The following TTBK2 variants were observed in gnomAD, a reference collection of about 807,000 sequenced individuals.
TTBK2 encodes tau tubulin kinase 2.
In TTBK2, 28 loss-of-function variants were observed where a neutral mutation model predicts 110.8. The ratio of observed to expected loss-of-function variants is 0.25; its 90% CI spans 0.19 to 0.35. The LOEUF (loss-of-function observed/expected upper bound fraction) is 0.35, where lower values mean the gene tolerates loss of function less well. Ranked by LOEUF, TTBK2 falls within the 10% of genes least tolerant of loss-of-function variation. The probability of loss-of-function intolerance (pLI) is 1.00; values close to 1 mark genes in which losing one functional copy is unlikely to be tolerated. For missense variants in TTBK2, 1,369 were observed against 1,500.3 expected, an observed-to-expected ratio of 0.91 and a Z score of 1.45; for synonymous variants, 532 against 527.3, an observed-to-expected ratio of 1.01 and a Z score of -0.12.
At chr15:42,781,897 C>A (rs1890195411) in intron 11 of TTBK2, among the ~76,000 whole-genome samples, 1 of 152,194 alleles carries the variant, frequency 6.6e-6, no homozygotes, top group African/African-American at 2.4e-5. Context: ...GTTCTTAGGG[C>A]AGATGGTGGA....
Position 42,829,938 on chromosome 15 carries a change from C to T in TTBK2, c.432G>A (p.Pro144=), listed in dbSNP as rs1370349632. The change falls in exon 5 of 15, where the codon CCG becomes CCA. Residue 144 remains proline, a splice_region_variant and synonymous_variant. Coordinates refer to ENST00000267890, the MANE Select transcript of TTBK2 (RefSeq NM_173500.4). ...SVGFLHRDIK[P]SNFAMGRFPS... is the part of the protein sequence containing the mutation. ...TGCTCTGGATAGAAAAGGTCCCTAC[C>T]GGTTTGATGTCTCGATGCAAGAATC... 1.9e-6 allele frequency: 3 copies of T among 1,613,974 alleles called. No individual in the cohort carries two copies. Among genetic ancestry groups the T allele is most frequent in the East Asian group, 2.2e-5 (1 of 44,870 alleles).
intron 9 of TTBK2, among the ~76,000 whole-genome samples, chr15:42,800,684 T>C (rs1259631384): frequency 2.6e-5 from 4 of 151,468 alleles, no homozygotes; most frequent in Non-Finnish European, 5.9e-5. Flanking sequence ...CCCACTTCAG[T>C]GATAAGTAGA....
At chr15:42,917,021 A>G (rs945665855) in intron 1 of TTBK2, among the ~76,000 whole-genome samples, 1 of 152,204 alleles carries the variant, frequency 6.6e-6, no homozygotes, top group African/African-American at 2.4e-5. Context: ...ACATGGTTAA[A>G]TCTCGATAGC....
At chr15:42,820,561 T>C (rs981067848) in intron 6 of TTBK2, among the ~76,000 whole-genome samples, 2 of 152,204 alleles carry the variant, frequency 1.3e-5, no homozygotes, top group African/African-American at 2.4e-5. Flanking sequence ...TGTGCAAAAA[T>C]AGTGGATGTA....
chr15:42,840,334 A>T, intron 4 of TTBK2, 26 bp downstream of exon 4: 1 of 1,596,226 alleles, frequency 6.3e-7, no homozygotes, highest in Non-Finnish European at 8.6e-7. Context: ...TGAAGAATTT[A>T]AAGATACGTT....
intron 10 of TTBK2, among the ~76,000 whole-genome samples, chr15:42,784,533 C>T (rs916362562): frequency 6.6e-6 from 1 of 152,190 alleles, no homozygotes; most frequent in Non-Finnish European, 1.5e-5. Context: ...CTGCCTTGGC[C>T]TACCAAAGTG....
intron 1 of TTBK2, among the ~76,000 whole-genome samples, chr15:42,917,048 A>C (rs1001866383): frequency 6.6e-5 from 10 of 152,210 alleles, no homozygotes; most frequent in Admixed American, 5.2e-4. Context: ...AAGGAAGCTA[A>C]GAAGCTACTT....
At chr15:42,876,706 T>C (rs1894830176) in intron 2 of TTBK2, among the ~76,000 whole-genome samples, 1 of 152,170 alleles carries the variant, frequency 6.6e-6, no homozygotes, top group African/African-American at 2.4e-5. Context: ...TTTGGTGGAC[T>C]GTGTAGCAAT....
intron 7 of TTBK2, 37 bp downstream of exon 7, chr15:42,816,987 CTATTAGCA>C: frequency 7.6e-7 from 1 of 1,309,660 alleles, no homozygotes; most frequent in African/African-American, 1.5e-5. Flanking sequence ...CTGATTTAAG[CTATTAGCA>C]TACTTATACA....
chr15:42,838,729 T>C (rs912547450), intron 4 of TTBK2, among the ~76,000 whole-genome samples: 10 of 151,854 alleles, frequency 6.6e-5, no homozygotes, highest in African/African-American at 2.4e-4. Flanking sequence ...GGCAGAAGAA[T>C]CGCTTGAACC....
At chr15:42,811,104 C>T (rs1344110056) in intron 8 of TTBK2, among the ~76,000 whole-genome samples, 2 of 152,124 alleles carry the variant, frequency 1.3e-5, no homozygotes, top group Non-Finnish European at 2.9e-5. Context: ...GATCCTCCTG[C>T]CTCAGCTTCC....
intron 3 of TTBK2, among the ~76,000 whole-genome samples, chr15:42,847,810 T>C (rs1038097353): frequency 2.8e-4 from 43 of 152,354 alleles, no homozygotes; most frequent in African/African-American, 9.6e-4. Context: ...CAGTCTTGAT[T>C]ATCCTAGTTC....
chr15:42,818,660 A>C (rs1166773010), intron 6 of TTBK2, among the ~76,000 whole-genome samples: 1 of 152,006 alleles, frequency 6.6e-6, no homozygotes, highest in Non-Finnish European at 1.5e-5. Flanking sequence ...GCGGAGCTTA[A>C]AGTGAGCGGA....
Position 42,897,823 on chromosome 15 carries a change from TACACACAC to T in TTBK2, c.-67-19147_-67-19140del, listed in dbSNP as rs60880098. ...AAAACTGAACTTATACCAGTAGTGG[TACACACAC>T]ACACACACACACACACACACACACA... On this transcript the variant is annotated intron_variant, in intron 1 of 14. Coordinates refer to ENST00000267890, the MANE Select transcript of TTBK2 (RefSeq NM_173500.4). Among the ~76,000 whole-genome samples, 657 of 140,732 alleles carry T rather than the reference TACACACAC, an allele frequency of 4.7e-3. 4 individuals carry two copies. Among genetic ancestry groups the T allele is most frequent in the South Asian group, 0.031 (132 of 4,242 alleles). 92.3% of individuals were successfully genotyped at this position (140,732 alleles called of 152,430 possible).
Position 42,814,536 on chromosome 15 carries a change from C to T in TTBK2, c.603+2496G>A, listed in dbSNP as rs187930626. On this transcript the variant is annotated intron_variant, in intron 7 of 14. Coordinates refer to ENST00000267890, the MANE Select transcript of TTBK2 (RefSeq NM_173500.4). ...AGGTTATAGTAAGCTATGATCCTGC[C>T]ACTACACTCCAGCCTGGGCAACAGA... Among the ~76,000 whole-genome samples the T allele has an allele frequency of 4.4e-3, 669 of 152,204 alleles. 10 individuals carry two copies. The highest frequency in any genetic ancestry group is 0.015 in the African/African-American group (636 of 41,528).
chr15:42,856,782 C>G (rs1018935686), intron 3 of TTBK2, among the ~76,000 whole-genome samples: 4 of 152,156 alleles, frequency 2.6e-5, no homozygotes, highest in African/African-American at 9.7e-5. Context: ...AAATCTAATG[C>G]CAGGCGTGAT....
At chr15:42,774,538 T>A (rs540953975) in intron 13 of TTBK2, among the ~76,000 whole-genome samples, 1 of 152,264 alleles carries the variant, frequency 6.6e-6, no homozygotes, top group South Asian at 2.1e-4. Context: ...ATGCCGCCTC[T>A]ACCTGCTTGT....
intron 10 of TTBK2, 29 bp downstream of exon 10, chr15:42,794,615 C>G: frequency 6.2e-7 from 1 of 1,614,106 alleles, no homozygotes. Flanking sequence ...CCAGGAAAGA[C>G]ACCACCAAAT....
intron 1 of TTBK2, among the ~76,000 whole-genome samples, chr15:42,895,305 C>T (rs1895622257): frequency 6.6e-6 from 1 of 152,028 alleles, no homozygotes; most frequent in African/African-American, 2.4e-5. Context: ...TGCAAAAGGA[C>T]AGAAATATAA....
Sources: gnomAD v4.1 joint callset for allele counts (sites outside exome capture counted in the v4.1 genomes callset) on GRCh38, gnomAD v4.1.1 for gene constraint, MANE v1.5 for transcripts, NCBI Gene and HGNC (gene_info 2026-07-23, HGNC 2026-07-21) for gene names.